RANBP2: variants seen among roughly 807,000 people sequenced by gnomAD.
RANBP2 encodes RAN binding protein 2.
In RANBP2, 57 loss-of-function variants were observed where a neutral mutation model predicts 303.6. The observed-to-expected ratio is 0.19, with a 90% CI of 0.15 to 0.23. The LOEUF is 0.23. RANBP2 is among the 10% of genes least tolerant of loss of function. The pLI is 1.00. For missense variants in RANBP2, 3,138 were observed against 3,780.8 expected, an observed-to-expected ratio of 0.83 and a Z score of 4.46; for synonymous variants, 1,167 against 1,301.5, an observed-to-expected ratio of 0.90 and a Z score of 2.23.
At chr2:108,803,557 A>C in the RANBP2 span, among the ~76,000 whole-genome samples, 2 of 152,162 alleles carry the variant, frequency 1.3e-5, no homozygotes, top group African/African-American at 4.8e-5. Context: ...TTCCTCCCTC[A>C]GCCTCCTGAG....
At chr2:109,692,383 G>C in the RANBP2 span, among the ~76,000 whole-genome samples, 56 of 152,172 alleles carry the variant, frequency 3.7e-4, no homozygotes, top group Admixed American at 3.7e-3. Context: ...GGTGGTGGCA[G>C]ATGCACAACT....
the RANBP2 span, among the ~76,000 whole-genome samples, chr2:108,834,981 A>T: frequency 6.6e-6 from 1 of 152,238 alleles, no homozygotes; most frequent in Non-Finnish European, 1.5e-5. Flanking sequence ...CAGCTCTTCA[A>T]TTGAAGTCAA....
chr2:109,735,842 G>A, the RANBP2 span, among the ~76,000 whole-genome samples: 1 of 152,110 alleles, frequency 6.6e-6, no homozygotes, highest in African/African-American at 2.4e-5. Flanking sequence ...CTTCAGTGAA[G>A]GCAGAGAAGA....
the RANBP2 span, among the ~76,000 whole-genome samples, chr2:109,602,746 C>A: frequency 6.7e-6 from 1 of 150,000 alleles, no homozygotes; most frequent in East Asian, 2.0e-4. Flanking sequence ...ATGTTCCATG[C>A]AGGCTAGGTG....
the RANBP2 span, among the ~76,000 whole-genome samples, chr2:109,189,080 C>G: frequency 3.9e-5 from 6 of 151,910 alleles, no homozygotes; most frequent in Non-Finnish European, 5.9e-5. Context: ...ACTCACTCCC[C>G]CTGAAGCCAC....
chr2:108,749,588 G>A (rs561895347), intron 9 of RANBP2, among the ~76,000 whole-genome samples: 194 of 151,862 alleles, frequency 1.3e-3, no homozygotes, highest in African/African-American at 4.4e-3. Flanking sequence ...GTGAGCCACT[G>A]CGACCAGCCT....
At chr2:109,506,693 G>A in the RANBP2 span, among the ~76,000 whole-genome samples, 131 of 152,336 alleles carry the variant, frequency 8.6e-4, 1 homozygote, top group African/African-American at 2.8e-3. Flanking sequence ...AAGAAGTTCT[G>A]TTGTTAGCTC....
At chr2:109,607,424 G>C in the RANBP2 span, among the ~76,000 whole-genome samples, 28 of 152,034 alleles carry the variant, frequency 1.8e-4, no homozygotes, top group African/African-American at 6.8e-4. Flanking sequence ...ATTCTCAATG[G>C]GGGCAGTACC....
At chr2:109,517,101 G>A in the RANBP2 span, among the ~76,000 whole-genome samples, 6 of 152,106 alleles carry the variant, frequency 3.9e-5, no homozygotes, top group African/African-American at 1.4e-4. Context: ...CCTAGAACCG[G>A]CCAGAAACAC....
chr2:108,878,957 AAAT>A, the RANBP2 span, among the ~76,000 whole-genome samples: 15 of 152,368 alleles, frequency 9.8e-5, no homozygotes, highest in East Asian at 2.9e-3. Context: ...ATATAGCAAA[AAAT>A]AGAATGACAG....
At chr2:109,591,518 T>A in the RANBP2 span, among the ~76,000 whole-genome samples, 1 of 152,196 alleles carries the variant, frequency 6.6e-6, no homozygotes, top group Non-Finnish European at 1.5e-5. Flanking sequence ...GAATAGACTG[T>A]TAGTACCATT....
At chr2:109,257,780 A>T in the RANBP2 span, among the ~76,000 whole-genome samples, 1 of 152,126 alleles carries the variant, frequency 6.6e-6, no homozygotes. Context: ...AGGGCTGAAA[A>T]TGTATGTTTT....
the RANBP2 span, among the ~76,000 whole-genome samples, chr2:108,853,077 G>A: frequency 6.6e-6 from 1 of 152,150 alleles, no homozygotes; most frequent in East Asian, 1.9e-4. Context: ...AATTGCAAAA[G>A]TAAAAATGTT....
At chr2:109,398,462 C>T in the RANBP2 span, 1 of 865,770 alleles carries the variant, frequency 1.2e-6, no homozygotes, top group Non-Finnish European at 1.7e-6. Flanking sequence ...CTGTGTTTTC[C>T]CTGCAGTCTG....
At chr2:109,257,284 T>C in the RANBP2 span, among the ~76,000 whole-genome samples, 3 of 151,996 alleles carry the variant, frequency 2.0e-5, no homozygotes, top group Non-Finnish European at 4.4e-5. Flanking sequence ...GTCAGCTGTT[T>C]CTGCTTTTAA....
At chr2:108,859,158 G>A in the RANBP2 span, among the ~76,000 whole-genome samples, 1 of 152,182 alleles carries the variant, frequency 6.6e-6, no homozygotes. Context: ...GATTAGTGAT[G>A]TTGAGCATTT....
chr2:109,213,738 A>T, the RANBP2 span, among the ~76,000 whole-genome samples: 1 of 152,190 alleles, frequency 6.6e-6, no homozygotes, highest in East Asian at 1.9e-4. Flanking sequence ...TGAGTGGGGA[A>T]CGTGGGGATG....
At chr2:109,259,280 G>C in the RANBP2 span, among the ~76,000 whole-genome samples, 1 of 152,224 alleles carries the variant, frequency 6.6e-6, no homozygotes, top group Admixed American at 6.5e-5. Flanking sequence ...GCTGGCTCCT[G>C]AACAACTGGC....
chr2:109,774,505 T>TATATTATATATATAAA, the RANBP2 span, among the ~76,000 whole-genome samples: 16 of 32,070 alleles, frequency 5.0e-4, 2 homozygotes, highest in South Asian at 3.7e-3. Context: ...CAAACATATA[T>TATATTATATATATAAA]ATATATATAA....
Sources: gnomAD v4.1 joint callset for allele counts (sites outside exome capture counted in the v4.1 genomes callset) on GRCh38, gnomAD v4.1.1 for gene constraint, MANE v1.5 for transcripts, NCBI Gene and HGNC (gene_info 2026-07-23, HGNC 2026-07-21) for gene names.